HSF5: variants seen among roughly 807,000 people sequenced by gnomAD.
HSF5 encodes the protein heat shock transcription factor 5, also known as heat shock factor protein 5.
In HSF5, 5 loss-of-function variants were observed where a neutral mutation model predicts 50.8. The observed-to-expected ratio is 0.10, with a 90% CI of 0.05 to 0.21. The LOEUF is 0.21. Ranked by LOEUF, HSF5 falls within the 10% of genes least tolerant of loss-of-function variation. HSF5 has a pLI of 1.00. For synonymous variants in HSF5, 307 were observed against 307.4 expected (o/e 1.00, Z 0.02); for missense variants, 564 against 762.6 (o/e 0.74, Z 3.07).
intron 3 of HSF5, 92 bp downstream of exon 3, chr17:58,466,793 C>G: frequency 1.3e-6 from 1 of 745,854 alleles, no homozygotes; most frequent in Admixed American, 2.0e-5. Context: ...CTTCTGGTTA[C>G]TCATTAATAT....
chr17:58,462,363 C>T (rs1391773631), intron 4 of HSF5, among the ~76,000 whole-genome samples: 1 of 152,198 alleles, frequency 6.6e-6, no homozygotes, highest in Non-Finnish European at 1.5e-5. Flanking sequence ...CATCTCCTTA[C>T]CTCCATGCTA....
chr17:58,463,631 A>G (rs539658750), intron 3 of HSF5, among the ~76,000 whole-genome samples: 1 of 152,346 alleles, frequency 6.6e-6, no homozygotes, highest in African/African-American at 2.4e-5. Context: ...AAATTCTTCC[A>G]TAAAGGCTGA....
At position 58,422,481 on chromosome 17, in the gene HSF5, T is replaced by C. The variant is rs534974305; in HGVS notation, c.1721-51A>G. On this transcript the variant is annotated intron_variant, in intron 5 of 5. Transcript: ENST00000323777. ...CTCTTAGCCTCTCTGTAGAGTTCTA[T>C]AGACAAGTTTTCAGACAAGCAGAAC... The C allele has an allele frequency of 3.3e-4, 475 of 1,455,984 alleles. 5 individuals carry two copies. The East Asian group carries it at 9.0e-3, about 28-fold the overall frequency. The allele number at this position is 1,455,984 out of a possible 1,614,324, so 90.2% of individuals were successfully genotyped here. A position where few individuals can be genotyped will look rare whatever the true frequency, so the allele number is the denominator to read the frequency against.
intron 3 of HSF5, among the ~76,000 whole-genome samples, chr17:58,463,729 A>G (rs921537398): frequency 6.6e-6 from 1 of 152,246 alleles, no homozygotes; most frequent in Non-Finnish European, 1.5e-5. Context: ...CAAGTCTACC[A>G]ATCCTTCTAC....
intron 5 of HSF5, among the ~76,000 whole-genome samples, chr17:58,455,995 A>C (rs776639213): frequency 8.5e-5 from 13 of 152,198 alleles, no homozygotes; most frequent in Non-Finnish European, 1.6e-4. Context: ...ATCTCCAAAG[A>C]AGATGAAATC....
rs1975013841 is a variant in HSF5, at chr17:58,476,514, C to T, written c.925+3379G>A. On this transcript the variant is annotated intron_variant, in intron 2 of 5. Transcript: ENST00000323777. ...TTGAAGATGGATCACCACTCTTATT[C>T]AGATGAAATTCTTTGGACAGAACTT... The T allele has an allele frequency of 3.3e-6, 4 of 1,230,364 alleles. No homozygotes were observed. In the South Asian group the frequency reaches 4.8e-5, roughly 15 times the overall value. The allele number at this position is 1,230,364 out of a possible 1,614,324, so 76.2% of individuals were successfully genotyped here. A position where few individuals can be genotyped will look rare whatever the true frequency, so the allele number is the denominator to read the frequency against.
In HSF5 at chr17:58,488,198, C is replaced by T. The variant is rs763655733; in HGVS notation, c.77G>A (p.Arg26His). Residue 26 changes from arginine (R) to histidine (H), a missense_variant, in exon 1 of 6, where the codon CGC becomes CAC. Arg to His is a conservative substitution (Grantham distance 29, BLOSUM62 0). Coordinates refer to ENST00000323777, the MANE Select transcript of HSF5 (RefSeq NM_001080439.3). The surrounding 1 kb of genome is among the most constrained non-coding windows in gnomAD (Gnocchi z 4.1). ...AKLWRLVNSP[R>H]YRSIRWDGRG... The stretch of plus-strand genomic sequence containing the variant: ...GCCGTCCCAGCGGATGGAGCGGTAG[C>T]GCGGGCTGTTCACCAGGCGCCACAG... The T allele has an allele frequency of 8.5e-6, 13 of 1,526,374 alleles. No homozygotes were observed. Among genetic ancestry groups the T allele is most frequent in the East Asian group, 2.4e-5 (1 of 41,070 alleles). 94.6% of individuals were successfully genotyped at this position (1,526,374 alleles called of 1,614,324 possible).
chr17:58,462,836 T>C lies in HSF5; in HGVS notation c.1488A>G (p.Pro496=), dbSNP rs200351260. Residue 496 remains proline (P), a synonymous_variant, in exon 4 of 6, where the codon CCA becomes CCG. Transcript: ENST00000323777. Reference sequence around the variant, plus strand: ...GCACAAATACTACTGAAGATGGAGATGGATTATGATTTAGGTGCTCCTTCA... The same window carrying C: ...GCACAAATACTACTGAAGATGGAGACGGATTATGATTTAGGTGCTCCTTCA... ...VKLKEHLNHN[P]SPSSVVFVQE... 5.0e-6 allele frequency: 8 copies of C among 1,613,736 alleles called. No homozygotes were observed. The East Asian group carries it at 1.3e-4, about 27-fold the overall frequency.
chr17:58,452,059 A>T (rs2143765093), intron 5 of HSF5, among the ~76,000 whole-genome samples: 1 of 151,850 alleles, frequency 6.6e-6, no homozygotes, highest in African/African-American at 2.4e-5. Context: ...TAGCCTGGGC[A>T]ACCTAGCAAG....
At chr17:58,471,086 G>A (rs1974937141) in intron 2 of HSF5, among the ~76,000 whole-genome samples, 1 of 152,162 alleles carries the variant, frequency 6.6e-6, no homozygotes, top group Non-Finnish European at 1.5e-5. Context: ...GGAGTTAGTG[G>A]TTAGCAGGTA....
chr17:58,427,799 T>A (rs1293447370), intron 5 of HSF5, among the ~76,000 whole-genome samples: 3 of 152,216 alleles, frequency 2.0e-5, no homozygotes, highest in Non-Finnish European at 4.4e-5. Context: ...TGCCCATCAA[T>A]GATCAGGGCT....
rs778104647 is a variant in HSF5 at position 58,458,778 on chromosome 17, T to C, written c.1710A>G (p.Gly570=). 1.2e-5 allele frequency: 20 copies of C among 1,611,366 alleles called. No homozygotes were observed. The highest frequency in any genetic ancestry group is 1.7e-5 in the Non-Finnish European group (20 of 1,179,170). Residue 570 remains glycine (G), a synonymous_variant, in exon 5 of 6, where the codon GGA becomes GGG. Transcript: ENST00000323777. ...CACAATAATCCTTACCAGGGGACTTTCCTTGTTGTGAGTTGCTTCTGTGCT... is the reference window on the plus strand; with the variant it reads ...CACAATAATCCTTACCAGGGGACTTCCCTTGTTGTGAGTTGCTTCTGTGCT... The part of the protein sequence containing the change: ...YREHRSNSQQ[G]KSPDLHLLVD...
intron 5 of HSF5, among the ~76,000 whole-genome samples, chr17:58,453,213 A>C (rs1241767882): frequency 6.6e-6 from 1 of 152,228 alleles, no homozygotes; most frequent in Non-Finnish European, 1.5e-5. Context: ...CCCTAATACC[A>C]AAACCAGACA....
At chr17:58,476,289 G>C (rs1486840494) in intron 2 of HSF5, 1 of 992,122 alleles carries the variant, frequency 1.0e-6, no homozygotes, top group Non-Finnish European at 1.6e-6. Context: ...CAGGAACCAA[G>C]TGGTACTGTA....
chr17:58,432,599 T>C (rs1974379225), intron 5 of HSF5, among the ~76,000 whole-genome samples: 1 of 151,996 alleles, frequency 6.6e-6, no homozygotes, highest in African/African-American at 2.4e-5. Flanking sequence ...TAGAAGGTGG[T>C]AGGGGATGAA....
At position 58,430,178 on chromosome 17, in the gene HSF5, A is replaced by G. The variant is rs375249784; in HGVS notation, c.1721-7748T>C. On this transcript the variant is annotated intron_variant, in intron 5 of 5. Transcript: ENST00000323777. The stretch of plus-strand genomic sequence containing the variant: ...AACCTCTGCCTCCCAGGTTCAAGCA[A>G]TTCTCCTGCCTCAGCCTCCCAAGTA... Among the ~76,000 whole-genome samples, 109 of 152,092 alleles carry G rather than the reference A, an allele frequency of 7.2e-4. 2 individuals carry two copies. In the South Asian group the frequency reaches 0.022, roughly 31 times the overall value.
At chr17:58,474,031 A>G (rs1974980641) in intron 2 of HSF5, among the ~76,000 whole-genome samples, 1 of 152,114 alleles carries the variant, frequency 6.6e-6, no homozygotes, top group Non-Finnish European at 1.5e-5. Context: ...TTTAGTAGAG[A>G]CTGTGTTTCA....
At chr17:58,460,476 TATACAC>T (rs1044450814) in intron 4 of HSF5, among the ~76,000 whole-genome samples, 15 of 114,794 alleles carry the variant, frequency 1.3e-4, no homozygotes, top group South Asian at 3.8e-4. Flanking sequence ...TATACATATA[TATACAC>T]ACACACACAC....
chr17:58,465,288 C>G (rs1974849287), intron 3 of HSF5, among the ~76,000 whole-genome samples: 1 of 151,156 alleles, frequency 6.6e-6, no homozygotes, highest in African/African-American at 2.4e-5. Context: ...TCCCAAAGAG[C>G]TGGGATTATA....
Sources: allele counts gnomAD v4.1 joint callset (sites outside exome capture counted in the v4.1 genomes callset), GRCh38; gene constraint gnomAD v4.1.1; non-coding constraint Gnocchi (gnomAD v3.1); transcripts MANE v1.5; gene names NCBI Gene and HGNC (gene_info 2026-07-23, HGNC 2026-07-21).